The following CYTH1 variants were observed in gnomAD, a reference collection of about 807,000 sequenced individuals.
CYTH1 encodes cytohesin 1.
A neutral mutation model predicts 61.8 loss-of-function variants in CYTH1; 18 were observed. The observed-to-expected ratio is 0.29, with a 90% confidence interval of 0.20 to 0.43. CYTH1 has a LOEUF of 0.43. Among genes scored for constraint, CYTH1 ranks in the 20% least tolerant of loss-of-function variants. The pLI, the probability that CYTH1 is intolerant of heterozygous loss-of-function variation, is 1.00. For synonymous variants in CYTH1, 174 were observed against 184.3 expected, an observed-to-expected ratio of 0.94 and a Z score of 0.45; for missense variants, 336 against 510.5, an observed-to-expected ratio of 0.66 and a Z score of 3.29.
At chr17:78,776,614 G>A (rs1326002196) in intron 1 of CYTH1, among the ~76,000 whole-genome samples, 6 of 147,526 alleles carry the variant, frequency 4.1e-5, no homozygotes, top group Admixed American at 2.7e-4. Flanking sequence ...AGCCAAGATC[G>A]TGCCACTGGA....
At position 78,718,421 on chromosome 17, in the gene CYTH1, C is replaced by T. The variant is rs576408097; in HGVS notation, c.23-8689G>A. 8.1e-4 allele frequency among the ~76,000 whole-genome samples: 124 copies of T among 152,290 alleles called. 2 individuals are homozygous for T. In the South Asian group the frequency reaches 0.014, roughly 17 times the overall value. ...AAACCAGGCTTTGGGCTCAAAAGCG[C>T]GCATCTGGGAAACCATCTTGTTCCT... On this transcript the variant is annotated intron_variant, in intron 1 of 13. Coordinates refer to ENST00000446868, the MANE Select transcript of CYTH1 (RefSeq NM_004762.6).
At chr17:78,772,795 C>CA (rs2093476741) in intron 1 of CYTH1, among the ~76,000 whole-genome samples, 1 of 151,894 alleles carries the variant, frequency 6.6e-6, no homozygotes, top group African/African-American at 2.4e-5. Context: ...CTTGGCCTCC[C>CA]AAAGTGTTGG....
intron 1 of CYTH1, among the ~76,000 whole-genome samples, chr17:78,766,039 A>G (rs1226104015): frequency 7.2e-6 from 1 of 138,024 alleles, no homozygotes; most frequent in Non-Finnish European, 1.5e-5. Context: ...GTCTGAGCCC[A>G]GGAGTTTGAG....
intron 1 of CYTH1, among the ~76,000 whole-genome samples, chr17:78,753,216 T>C (rs1460398087): frequency 6.6e-6 from 1 of 152,106 alleles, no homozygotes; most frequent in Non-Finnish European, 1.5e-5. Context: ...TCCTAGCACG[T>C]TGGGAGGCTG....
chr17:78,687,021 T>C (rs1321626717), intron 11 of CYTH1, among the ~76,000 whole-genome samples: 2 of 152,162 alleles, frequency 1.3e-5, no homozygotes, highest in African/African-American at 4.8e-5. Context: ...CCTCAGGTGA[T>C]CTGCCCACCT....
At chr17:78,710,955 T>C (rs903193600) in intron 1 of CYTH1, among the ~76,000 whole-genome samples, 2 of 152,096 alleles carry the variant, frequency 1.3e-5, no homozygotes, top group African/African-American at 2.4e-5. Context: ...GTTTGAGATG[T>C]GCTGTAGGTA....
At chr17:78,742,872 G>A (rs1236715058) in intron 1 of CYTH1, among the ~76,000 whole-genome samples, 1 of 152,058 alleles carries the variant, frequency 6.6e-6, no homozygotes, top group Non-Finnish European at 1.5e-5. Context: ...AAATAAATAA[G>A]TAAAATAAAA....
intron 1 of CYTH1, among the ~76,000 whole-genome samples, chr17:78,774,970 G>A (rs752176735): frequency 7.2e-5 from 11 of 152,204 alleles, no homozygotes; most frequent in Non-Finnish European, 1.5e-4. Context: ...ATGGGAAATC[G>A]GGTTAGAACT....
chr17:78,762,562 A>T (rs909449094), intron 1 of CYTH1, among the ~76,000 whole-genome samples: 4 of 152,214 alleles, frequency 2.6e-5, no homozygotes, highest in African/African-American at 4.8e-5. Context: ...AATCACTGGA[A>T]CCTGTGAACA....
At chr17:78,686,542 G>T (rs893618134) in intron 11 of CYTH1, among the ~76,000 whole-genome samples, 3 of 152,110 alleles carry the variant, frequency 2.0e-5, no homozygotes, top group Non-Finnish European at 4.4e-5. Flanking sequence ...ATGCAGTCTC[G>T]TAGAGAATGG....
chr17:78,708,705 G>A (rs928044874), intron 2 of CYTH1, among the ~76,000 whole-genome samples: 5 of 152,226 alleles, frequency 3.3e-5, no homozygotes, highest in Admixed American at 2.6e-4. Context: ...GCCACCAAGC[G>A]GCTGGCAAAG....
chr17:78,705,952 T>C (rs1305217829), intron 3 of CYTH1, among the ~76,000 whole-genome samples: 1 of 152,172 alleles, frequency 6.6e-6, no homozygotes, highest in African/African-American at 2.4e-5. Flanking sequence ...ATTCTGAATA[T>C]GTGTGTGCAG....
At chr17:78,771,717 G>A (rs1269556019) in intron 1 of CYTH1, among the ~76,000 whole-genome samples, 4 of 147,080 alleles carry the variant, frequency 2.7e-5, no homozygotes, top group East Asian at 3.9e-4. Flanking sequence ...GTGACAGAGC[G>A]AGATTCCATC....
At position 78,775,798 on chromosome 17, in the gene CYTH1, A is replaced by G. The variant is rs138231080; in HGVS notation, c.22+6404T>C. ...TTCTTGAAAGGAACAAAAATAAGAC[A>G]TGCATTTGCTATAATGAACATGATA... On this transcript the variant is annotated intron_variant, in intron 1 of 13. Transcript: ENST00000446868. 3.9e-5 allele frequency among the ~76,000 whole-genome samples: 6 copies of G among 152,368 alleles called. No homozygotes were observed. In the East Asian group the frequency reaches 1.2e-3, roughly 29 times the overall value.
chr17:78,691,661 T>C (rs752977833), intron 11 of CYTH1: 7 of 152,144 alleles, frequency 4.6e-5, no homozygotes, highest in Non-Finnish European at 8.8e-5. Flanking sequence ...GCCCTTACAA[T>C]GACCAAGAAA....
intron 1 of CYTH1, among the ~76,000 whole-genome samples, chr17:78,741,078 C>T (rs1310980649): frequency 6.6e-6 from 1 of 152,180 alleles, no homozygotes; most frequent in Non-Finnish European, 1.5e-5. Context: ...AACACTCGTT[C>T]GTCATTCACA....
chr17:78,724,727 G>T (rs8068876), intron 1 of CYTH1, among the ~76,000 whole-genome samples: 8,049 of 152,162 alleles, frequency 0.053, 390 homozygotes, highest in South Asian at 0.15. Context: ...GTCTCCTGCC[G>T]TTAGGAAATC....
At chr17:78,731,651 G>T (rs2093294844) in intron 1 of CYTH1, among the ~76,000 whole-genome samples, 1 of 151,690 alleles carries the variant, frequency 6.6e-6, no homozygotes, top group Non-Finnish European at 1.5e-5. Context: ...CCAGCTACTT[G>T]GGAGGCTGAG....
At chr17:78,769,899 C>A (rs1199976880) in intron 1 of CYTH1, among the ~76,000 whole-genome samples, 4 of 151,782 alleles carry the variant, frequency 2.6e-5, no homozygotes, top group Non-Finnish European at 4.4e-5. Flanking sequence ...TGCCTGTAAT[C>A]CCAGCACTTT....
Sources: allele counts gnomAD v4.1 joint callset (sites outside exome capture counted in the v4.1 genomes callset), GRCh38; gene constraint gnomAD v4.1.1; transcripts MANE v1.5; gene names NCBI Gene and HGNC (gene_info 2026-07-23, HGNC 2026-07-21).